Variants in RGS6 observed in about 807,000 individuals in gnomAD.
RGS6 encodes regulator of G protein signaling 6, also known as regulator of G-protein signaling 6.
Under a neutral mutation model 78.5 loss-of-function variants are expected in RGS6, and 30 were observed. That is an observed-to-expected ratio of 0.38 (90% CI 0.29 to 0.52). The LOEUF (loss-of-function observed/expected upper bound fraction) is 0.52. Ranked by LOEUF, RGS6 falls within the 20% of genes least tolerant of loss-of-function variation. The pLI is 0.85. For synonymous variants in RGS6, 206 were observed against 206.0 expected, an observed-to-expected ratio of 1.00 and a Z score of 0.00; for missense variants, 495 against 609.7, an observed-to-expected ratio of 0.81 and a Z score of 1.98.
intron 2 of RGS6, among the ~76,000 whole-genome samples, chr14:72,164,021 A>G (rs1031592427): frequency 6.6e-6 from 1 of 152,122 alleles, no homozygotes; most frequent in African/African-American, 2.4e-5. Flanking sequence ...AATGGTGAAT[A>G]AAATGAAAAG....
rs140720237 is a variant in RGS6 at position 72,336,423 on chromosome 14, C to G, written c.85-15672C>G. Reference sequence around the variant, plus strand: ...GAAGTACTATATGTTGTGTGGCTTACTGGAGATCAGACAATATGCAAGAAG... The same window carrying G: ...GAAGTACTATATGTTGTGTGGCTTAGTGGAGATCAGACAATATGCAAGAAG... On this transcript the variant is annotated intron_variant, in intron 2 of 17. Transcript: ENST00000553525. Among the ~76,000 whole-genome samples, 764 of 152,158 alleles carry G rather than the reference C, an allele frequency of 5.0e-3. 5 individuals are homozygous for G. The highest frequency in any genetic ancestry group is 0.017 in the Middle Eastern group (5 of 294).
At chr14:72,365,435 C>T (rs1288750008) in intron 3 of RGS6, among the ~76,000 whole-genome samples, 2 of 152,206 alleles carry the variant, frequency 1.3e-5, no homozygotes, top group Non-Finnish European at 2.9e-5. Flanking sequence ...GATGTGATTT[C>T]GTCCACGAGT....
chr14:72,140,682 C>G (rs2096527379), intron 2 of RGS6, among the ~76,000 whole-genome samples: 1 of 152,230 alleles, frequency 6.6e-6, no homozygotes, highest in African/African-American at 2.4e-5. Flanking sequence ...GCCCTTGGTA[C>G]ATTAGCCAGT....
At chr14:71,917,366 G>T in the RGS6 span, among the ~76,000 whole-genome samples, 1 of 147,694 alleles carries the variant, frequency 6.8e-6, no homozygotes, top group African/African-American at 2.7e-5. Context: ...ACCCTTTTCT[G>T]CTGCTGCTGC....
chr14:72,302,333 G>A (rs1223718874), intron 2 of RGS6, among the ~76,000 whole-genome samples: 1 of 152,222 alleles, frequency 6.6e-6, no homozygotes, highest in Non-Finnish European at 1.5e-5. Context: ...TCGAACCCAA[G>A]AAGAATGGCT....
At chr14:72,352,659 TC>T (rs1255638533) in intron 3 of RGS6, among the ~76,000 whole-genome samples, 1 of 152,258 alleles carries the variant, frequency 6.6e-6, no homozygotes, top group African/African-American at 2.4e-5. Flanking sequence ...TGTGTGCTCA[TC>T]TTTCTTTTAA....
chr14:72,217,809 T>C (rs950888895), intron 2 of RGS6, among the ~76,000 whole-genome samples: 1 of 152,222 alleles, frequency 6.6e-6, no homozygotes, highest in Non-Finnish European at 1.5e-5. Context: ...GGTCATATTA[T>C]AAAATTTGGA....
At chr14:72,365,108 A>G (rs554892328) in intron 3 of RGS6, among the ~76,000 whole-genome samples, 1 of 152,230 alleles carries the variant, frequency 6.6e-6, no homozygotes, top group Non-Finnish European at 1.5e-5. Flanking sequence ...AACACATAGC[A>G]ATATGCGGAT....
At chr14:72,164,195 A>G (rs2096893050) in intron 2 of RGS6, among the ~76,000 whole-genome samples, 1 of 152,114 alleles carries the variant, frequency 6.6e-6, no homozygotes, top group South Asian at 2.1e-4. Context: ...TCTTTTATGC[A>G]AAGGGATTTT....
intron 2 of RGS6, among the ~76,000 whole-genome samples, chr14:72,141,889 C>T (rs1212905043): frequency 8.3e-6 from 1 of 120,464 alleles, no homozygotes; most frequent in African/African-American, 3.2e-5. Context: ...ACACATTTTA[C>T]ATTAAAAAAA....
chr14:71,868,521 G>C, the RGS6 span, among the ~76,000 whole-genome samples: 1 of 152,134 alleles, frequency 6.6e-6, no homozygotes, highest in Admixed American at 6.5e-5. Flanking sequence ...TGACCATACT[G>C]TTTTACATCA....
chr14:72,182,904 A>G (rs1160466114), intron 2 of RGS6, among the ~76,000 whole-genome samples: 1 of 152,066 alleles, frequency 6.6e-6, no homozygotes, highest in Non-Finnish European at 1.5e-5. Context: ...ATTTTTTTTC[A>G]TACTCTCTGT....
intron 2 of RGS6, among the ~76,000 whole-genome samples, chr14:71,993,527 ATTG>A (rs1244867123): frequency 6.6e-6 from 1 of 152,194 alleles, no homozygotes; most frequent in African/African-American, 2.4e-5. Context: ...TGTCATAGAT[ATTG>A]TTGTTATCCT....
intron 2 of RGS6, among the ~76,000 whole-genome samples, chr14:72,131,920 G>A (rs543461751): frequency 7.2e-5 from 11 of 152,194 alleles, no homozygotes; most frequent in Non-Finnish European, 1.2e-4. Flanking sequence ...TTATACTGTC[G>A]GTTGTTTTTT....
chr14:72,016,656 C>T (rs10131317), intron 2 of RGS6, among the ~76,000 whole-genome samples: 17,243 of 152,240 alleles, frequency 0.11, 2,397 homozygotes, highest in African/African-American at 0.32. Flanking sequence ...TGAGCCACCG[C>T]GCCCGACTGT....
intron 2 of RGS6, among the ~76,000 whole-genome samples, chr14:72,208,033 C>T (rs2043110556): frequency 6.6e-6 from 1 of 152,152 alleles, no homozygotes; most frequent in African/African-American, 2.4e-5. Flanking sequence ...CTCAGTCCAC[C>T]TAGTTTGGTT....
intron 2 of RGS6, among the ~76,000 whole-genome samples, chr14:72,225,656 A>G (rs1366655788): frequency 2.6e-5 from 4 of 152,152 alleles, no homozygotes; most frequent in African/African-American, 9.7e-5. Flanking sequence ...GGAAAAAGAA[A>G]AATCAAACTT....
intron 2 of RGS6, among the ~76,000 whole-genome samples, chr14:72,339,427 G>C (rs2076586895): frequency 6.6e-6 from 1 of 152,198 alleles, no homozygotes; most frequent in South Asian, 2.1e-4. Flanking sequence ...ATATTTTGCT[G>C]ATAGTAGTCC....
chr14:71,981,733 CTT>C (rs1453009422), intron 2 of RGS6, among the ~76,000 whole-genome samples: 1 of 151,464 alleles, frequency 6.6e-6, no homozygotes, highest in African/African-American at 2.4e-5. Flanking sequence ...TTACTGCTGT[CTT>C]TTTGTTTGTC....
Sources: gnomAD v4.1 joint callset for allele counts (sites outside exome capture counted in the v4.1 genomes callset) on GRCh38, gnomAD v4.1.1 for gene constraint, MANE v1.5 for transcripts, NCBI Gene and HGNC (gene_info 2026-07-23, HGNC 2026-07-21) for gene names.